NHSL2: variants seen among roughly 807,000 people sequenced by gnomAD.
NHSL2 encodes NHS-like protein 2.
Under a neutral mutation model 53.4 loss-of-function variants are expected in NHSL2, and 27 were observed. The observed-to-expected ratio is 0.51, with a 90% confidence interval of 0.37 to 0.70. The LOEUF (loss-of-function observed/expected upper bound fraction) is 0.70, where lower values mean the gene tolerates loss of function less well. Ranked by LOEUF, NHSL2 falls within the 30% of genes least tolerant of loss-of-function variation. NHSL2 has a pLI of 0.00. For synonymous variants in NHSL2, 408 were observed against 404.1 expected (o/e 1.01, Z -0.12); for missense variants, 892 against 980.1 (o/e 0.91, Z 1.20).
intron 1 of NHSL2, among the ~76,000 whole-genome samples, chrX:71,972,866 T>TTTTGTG (rs1556315130): frequency 1.1e-5 from 1 of 93,808 alleles, no homozygotes; most frequent in Non-Finnish European, 2.1e-5. Context: ...ATCTTTATTG[T>TTTTGTG]TGTGTGTGTG....
At chrX:72,128,182 G>C (rs780286693) in intron 1 of NHSL2, 1 of 112,073 alleles carries the variant, frequency 8.9e-6, no homozygotes, top group Non-Finnish European at 1.9e-5. Flanking sequence ...GATGAATAGA[G>C]ACCTCACCAG....
intron 1 of NHSL2, among the ~76,000 whole-genome samples, chrX:71,994,125 G>A (rs2042039395): frequency 9.0e-6 from 1 of 111,508 alleles, no homozygotes; most frequent in African/African-American, 3.3e-5. Flanking sequence ...TAACATATTA[G>A]TATATTCATT....
At chrX:72,106,766 T>C (rs2042044637) in intron 1 of NHSL2, among the ~76,000 whole-genome samples, 1 of 112,053 alleles carries the variant, frequency 8.9e-6, no homozygotes. Flanking sequence ...ATACACACTA[T>C]GGAATACTGT....
chrX:71,984,863 G>A (rs1215914678), intron 1 of NHSL2, among the ~76,000 whole-genome samples: 16 of 94,835 alleles, frequency 1.7e-4, no homozygotes, highest in African/African-American at 5.2e-4. Context: ...TTGCTCTGTC[G>A]CCCAGGCTGG....
At chrX:71,993,767 T>C (rs375730867) in intron 1 of NHSL2, among the ~76,000 whole-genome samples, 24 of 110,849 alleles carry the variant, frequency 2.2e-4, no homozygotes, top group African/African-American at 7.6e-4. Flanking sequence ...GCAGGTACCA[T>C]AAGGGTGAGA....
At chrX:71,935,101 C>T (rs1382603394) in intron 1 of NHSL2, among the ~76,000 whole-genome samples, 1 of 112,207 alleles carries the variant, frequency 8.9e-6, no homozygotes, top group African/African-American at 3.2e-5. Context: ...TCACACACTG[C>T]TGTGGCAGCC....
At chrX:72,060,529 T>G (rs1415043293) in intron 1 of NHSL2, among the ~76,000 whole-genome samples, 2 of 112,577 alleles carry the variant, frequency 1.8e-5, no homozygotes, top group African/African-American at 6.5e-5. Context: ...TTTCTGTCAT[T>G]GAATTGGGAA....
At chrX:71,942,064 T>G (rs1022656436) in intron 1 of NHSL2, among the ~76,000 whole-genome samples, 2 of 104,116 alleles carry the variant, frequency 1.9e-5, no homozygotes, top group Non-Finnish European at 3.9e-5. Flanking sequence ...GGAGTGGGGG[T>G]GGATGAGGGA....
chrX:72,017,993 C>T (rs148949930), intron 1 of NHSL2, among the ~76,000 whole-genome samples: 2,603 of 111,681 alleles, frequency 0.023, 81 homozygotes, highest in African/African-American at 0.081. Flanking sequence ...TTTGGTGCAG[C>T]TTTCGAACTC....
Position 71,911,096 on chromosome X carries a change from C to A in NHSL2, c.9C>A (p.Phe3Leu). The A allele has an allele frequency of 9.7e-7, 1 of 1,028,882 alleles. No homozygotes were observed. The highest frequency in any genetic ancestry group is 1.2e-6 in the Non-Finnish European group (1 of 808,385). The allele number at this position is 1,028,882 out of a possible 1,213,427, so 84.8% of individuals were successfully genotyped here. A position where few individuals can be genotyped will look rare whatever the true frequency, so the allele number is the denominator to read the frequency against. MP[F>L]YRRTVVPQRL... Reference sequence around the variant, plus strand: ...CCGCGCCCGCGGCCGGGATGCCGTTCTACAGGCGCACGGTGGTACCCCAGC... The same window carrying A: ...CCGCGCCCGCGGCCGGGATGCCGTTATACAGGCGCACGGTGGTACCCCAGC... Residue 3 changes from phenylalanine to leucine, a missense_variant, in exon 1 of 8, where the codon TTC (phenylalanine) becomes TTA (leucine). By Grantham distance (22) the Phe-to-Leu change is conservative. Coordinates refer to ENST00000633930, the MANE Select transcript of NHSL2 (RefSeq NM_001013627.3).
chrX:71,948,257 A>C (rs1368853818), intron 1 of NHSL2, among the ~76,000 whole-genome samples: 3 of 111,860 alleles, frequency 2.7e-5, no homozygotes. Flanking sequence ...TAAGCCCAGG[A>C]TTTGCAGTCT....
intron 1 of NHSL2, among the ~76,000 whole-genome samples, chrX:71,979,447 G>A (rs1443137120): frequency 5.4e-5 from 6 of 111,173 alleles, no homozygotes; most frequent in South Asian, 3.8e-4. Flanking sequence ...TTTAATGATC[G>A]CCATTCTAAC....
intron 1 of NHSL2, among the ~76,000 whole-genome samples, chrX:71,966,482 T>C (rs2041901636): frequency 8.9e-6 from 1 of 111,922 alleles, no homozygotes; most frequent in African/African-American, 3.2e-5. Context: ...TCTAGTTTGC[T>C]AAGAGTTTTT....
At chrX:72,126,017 C>T (rs1161581506) in intron 1 of NHSL2, among the ~76,000 whole-genome samples, 1 of 111,863 alleles carries the variant, frequency 8.9e-6, no homozygotes, top group Non-Finnish European at 1.9e-5. Context: ...CTGGAGTCCC[C>T]CATATGACCT....
intron 1 of NHSL2, among the ~76,000 whole-genome samples, chrX:71,990,619 C>T (rs2042023112): frequency 9.0e-6 from 1 of 111,334 alleles, no homozygotes; most frequent in Non-Finnish European, 1.9e-5. Context: ...TTGTTAGTGA[C>T]CTCCAACCTC....
At chrX:72,043,351 T>C (rs1262693298) in intron 1 of NHSL2, among the ~76,000 whole-genome samples, 1 of 111,629 alleles carries the variant, frequency 9.0e-6, no homozygotes, top group African/African-American at 3.3e-5. Context: ...ATTAATGATA[T>C]TATTAATATT....
chrX:71,977,071 T>TGG (rs2041951727), intron 1 of NHSL2, among the ~76,000 whole-genome samples: 1 of 110,687 alleles, frequency 9.0e-6, no homozygotes, highest in Non-Finnish European at 1.9e-5. Flanking sequence ...TAATATTACT[T>TGG]TTTGGCTCCT....
At chrX:72,101,815 C>T (rs919647368) in intron 1 of NHSL2, among the ~76,000 whole-genome samples, 1 of 111,803 alleles carries the variant, frequency 8.9e-6, no homozygotes, top group East Asian at 2.8e-4. Flanking sequence ...TATCAGACTC[C>T]TGAAGCACCA....
intron 1 of NHSL2, among the ~76,000 whole-genome samples, chrX:71,996,988 G>A (rs1208755588): frequency 3.6e-5 from 4 of 112,486 alleles, no homozygotes; most frequent in Non-Finnish European, 7.5e-5. Context: ...CAATGGGGGC[G>A]GTGTGCGAGT....
Sources: gnomAD v4.1 joint callset for allele counts (sites outside exome capture counted in the v4.1 genomes callset) on GRCh38, gnomAD v4.1.1 for gene constraint, MANE v1.5 for transcripts, NCBI Gene and HGNC (gene_info 2026-07-23, HGNC 2026-07-21) for gene names.